Variants in ADAMTS12 observed in about 807,000 individuals in gnomAD.
ADAMTS12 encodes ADAM metallopeptidase with thrombospondin type 1 motif 12.
In ADAMTS12, 118 loss-of-function variants were observed where a neutral mutation model predicts 167.8. The observed-to-expected ratio is 0.70, with a 90% confidence interval of 0.61 to 0.82. ADAMTS12 has a LOEUF of 0.82. Ranked by LOEUF, ADAMTS12 falls within the 40% of genes least tolerant of loss-of-function variation. The pLI is 0.00. For missense variants in ADAMTS12, 1,916 were observed against 1,998.8 expected (o/e 0.96, Z 0.79); for synonymous variants, 704 against 716.9 (o/e 0.98, Z 0.29).
At chr5:33,797,186 G>T in intron 2 of ADAMTS12, among the ~76,000 whole-genome samples, 1 of 152,174 alleles carries the variant, frequency 6.6e-6, no homozygotes, top group South Asian at 2.1e-4. Flanking sequence ...ACAGCCCCAT[G>T]CCAGTTGCTA....
At chr5:33,566,521 C>G (rs1309266297) in intron 19 of ADAMTS12, among the ~76,000 whole-genome samples, 1 of 152,112 alleles carries the variant, frequency 6.6e-6, no homozygotes, top group Non-Finnish European at 1.5e-5. Context: ...CTTCTTCATT[C>G]CCCATATCCA....
intron 14 of ADAMTS12, among the ~76,000 whole-genome samples, chr5:33,622,296 G>C (rs1739374128): frequency 6.6e-6 from 1 of 152,114 alleles, no homozygotes; most frequent in Non-Finnish European, 1.5e-5. Flanking sequence ...GTTTTCAATT[G>C]AGTTATCATA....
intron 2 of ADAMTS12, among the ~76,000 whole-genome samples, chr5:33,826,840 G>A (rs1418020358): frequency 6.6e-6 from 1 of 152,076 alleles, no homozygotes; most frequent in Non-Finnish European, 1.5e-5. Flanking sequence ...CTGCAGAACT[G>A]CAGCCATCTA....
intron 2 of ADAMTS12, among the ~76,000 whole-genome samples, chr5:33,795,894 G>A (rs1018457258): frequency 8.5e-5 from 13 of 152,208 alleles, no homozygotes; most frequent in African/African-American, 2.9e-4. Context: ...TCCATTTGGA[G>A]AGCCCCACTC....
chr5:33,787,505 A>G (rs777118015), intron 2 of ADAMTS12, among the ~76,000 whole-genome samples: 4 of 152,214 alleles, frequency 2.6e-5, no homozygotes, highest in Non-Finnish European at 5.9e-5. Context: ...ATGTTTCTTG[A>G]GAGAAGAAGG....
intron 18 of ADAMTS12, among the ~76,000 whole-genome samples, chr5:33,584,441 A>G (rs1391418381): frequency 6.6e-6 from 1 of 151,948 alleles, no homozygotes; most frequent in African/African-American, 2.4e-5. Flanking sequence ...ATAGTGTTTC[A>G]TGCATAAAAT....
chr5:33,676,583 C>A (rs989647046), intron 5 of ADAMTS12, among the ~76,000 whole-genome samples: 1 of 151,478 alleles, frequency 6.6e-6, no homozygotes, highest in Non-Finnish European at 1.5e-5. Flanking sequence ...ACTTGGAAGG[C>A]TGAGGTGGGA....
chr5:33,857,472 T>C (rs1402965426), intron 2 of ADAMTS12, among the ~76,000 whole-genome samples: 3 of 151,776 alleles, frequency 2.0e-5, no homozygotes, highest in African/African-American at 7.3e-5. Flanking sequence ...AGGTGATGAA[T>C]ATGCTGATTC....
intron 22 of ADAMTS12, among the ~76,000 whole-genome samples, chr5:33,539,241 C>T (rs999144717): frequency 6.6e-6 from 1 of 152,186 alleles, no homozygotes; most frequent in Non-Finnish European, 1.5e-5. Context: ...CACACCTGGC[C>T]ACAATTTTCT....
intron 1 of ADAMTS12, among the ~76,000 whole-genome samples, chr5:33,886,859 T>A (rs146898096): frequency 1.9e-3 from 292 of 152,282 alleles, no homozygotes; most frequent in African/African-American, 6.6e-3. Flanking sequence ...TAATAGCATC[T>A]ACCTCCTAGG....
chr5:33,859,014 G>A (rs1460774472), intron 2 of ADAMTS12, among the ~76,000 whole-genome samples: 2 of 152,150 alleles, frequency 1.3e-5, no homozygotes, highest in Non-Finnish European at 2.9e-5. Flanking sequence ...TTCACAATCC[G>A]CAAACCAGGA....
At chr5:33,837,189 C>A in intron 2 of ADAMTS12, among the ~76,000 whole-genome samples, 1 of 152,304 alleles carries the variant, frequency 6.6e-6, no homozygotes, top group African/African-American at 2.4e-5. Flanking sequence ...GGTCAGAGAT[C>A]GGGGCTGGGC....
chr5:33,609,574 A>G (rs1192424315), intron 16 of ADAMTS12, among the ~76,000 whole-genome samples: 1 of 152,028 alleles, frequency 6.6e-6, no homozygotes, highest in African/African-American at 2.4e-5. Context: ...GAGTTTCACC[A>G]TGTTGTCCAG....
rs573398770 is a variant in ADAMTS12 at position 33,807,936 on chromosome 5, GA to G, written c.490-56389del. ...CTCAGGAAATTTCACTATAGAAGAG[GA>G]AAGAAAGAGATGGGGCAAACTGTTT... On this transcript the variant is annotated intron_variant, in intron 2 of 23. Transcript: ENST00000504830. 3.0e-4 allele frequency among the ~76,000 whole-genome samples: 45 copies of G among 152,306 alleles called. 2 individuals carry two copies. The South Asian group carries it at 9.3e-3, about 32-fold the overall frequency.
intron 3 of ADAMTS12, among the ~76,000 whole-genome samples, chr5:33,720,737 C>T (rs939769640): frequency 2.0e-5 from 3 of 152,204 alleles, no homozygotes; most frequent in African/African-American, 7.2e-5. Flanking sequence ...AACCCTTATA[C>T]ACTGCTGGTG....
intron 23 of ADAMTS12, among the ~76,000 whole-genome samples, chr5:33,533,482 G>A (rs186837772): frequency 3.0e-4 from 45 of 152,274 alleles, no homozygotes; most frequent in African/African-American, 1.1e-3. Flanking sequence ...CTAGAGTGAG[G>A]CCTGAGAGCC....
At chr5:33,857,062 G>A (rs1749427372) in intron 2 of ADAMTS12, among the ~76,000 whole-genome samples, 1 of 152,188 alleles carries the variant, frequency 6.6e-6, no homozygotes, top group African/African-American at 2.4e-5. Flanking sequence ...GTATATGTGT[G>A]ATAAAATATT....
At chr5:33,803,806 G>A (rs963728374) in intron 2 of ADAMTS12, among the ~76,000 whole-genome samples, 3 of 152,142 alleles carry the variant, frequency 2.0e-5, no homozygotes, top group South Asian at 2.1e-4. Flanking sequence ...CAAATCTCAT[G>A]AGACTTATTC....
intron 22 of ADAMTS12, among the ~76,000 whole-genome samples, chr5:33,539,942 T>C (rs1006319159): frequency 2.6e-5 from 4 of 152,130 alleles, no homozygotes; most frequent in African/African-American, 9.7e-5. Context: ...TCACTGGGAC[T>C]GGTTGGACAG....
Sources: gnomAD v4.1 joint callset for allele counts (sites outside exome capture counted in the v4.1 genomes callset) on GRCh38, gnomAD v4.1.1 for gene constraint, MANE v1.5 for transcripts, NCBI Gene and HGNC (gene_info 2026-07-23, HGNC 2026-07-21) for gene names.